OSTF1: variants seen among roughly 807,000 people sequenced by gnomAD.
OSTF1 encodes osteoclast-stimulating factor 1.
OSTF1 carries 27 observed loss-of-function variants against 37.2 expected under a neutral mutation model. The observed-to-expected ratio is 0.73, with a 90% CI of 0.54 to 1.00. The LOEUF (loss-of-function observed/expected upper bound fraction) is 1.00. OSTF1 is among the 50% of genes least tolerant of loss of function. The pLI, the probability that OSTF1 is intolerant of heterozygous loss-of-function variation, is 0.00. For synonymous variants in OSTF1, 82 were observed against 89.2 expected, an observed-to-expected ratio of 0.92 and a Z score of 0.46; for missense variants, 232 against 253.8, an observed-to-expected ratio of 0.91 and a Z score of 0.58.
At chr9:75,108,913 G>T (rs1825336716) in intron 1 of OSTF1, among the ~76,000 whole-genome samples, 1 of 152,080 alleles carries the variant, frequency 6.6e-6, no homozygotes, top group Non-Finnish European at 1.5e-5. Flanking sequence ...CAGTACCAAG[G>T]AATTACCATT....
chr9:75,122,330 ACT>A (rs1825594209), intron 2 of OSTF1, among the ~76,000 whole-genome samples: 1 of 152,072 alleles, frequency 6.6e-6, no homozygotes, highest in African/African-American at 2.4e-5. Flanking sequence ...CCTGCCACTC[ACT>A]CTGATTTGTA....
chr9:75,098,489 T>G (rs943657882), intron 1 of OSTF1, among the ~76,000 whole-genome samples: 21 of 152,140 alleles, frequency 1.4e-4, no homozygotes, highest in African/African-American at 5.1e-4. Flanking sequence ...CAGGAATATG[T>G]CTGGGGCTTT....
intron 1 of OSTF1, among the ~76,000 whole-genome samples, chr9:75,090,025 G>T (rs1248629652): frequency 1.3e-5 from 2 of 151,944 alleles, no homozygotes; most frequent in African/African-American, 4.8e-5. Flanking sequence ...GCTAGAGTTG[G>T]GTTCTGCATT....
chr9:75,133,179 C>T, intron 5 of OSTF1, 115 bp from the exon 6 acceptor site: 2 of 635,208 alleles, frequency 3.1e-6, no homozygotes, highest in Middle Eastern at 2.7e-4. Flanking sequence ...TAATTTAATA[C>T]TTGCTGATTA....
Position 75,134,332 on chromosome 9 carries a change from T to G in OSTF1, c.359-14T>G. On this transcript the variant is annotated splice_polypyrimidine_tract_variant and intron_variant, in intron 6 of 9. Coordinates refer to ENST00000346234, the MANE Select transcript of OSTF1 (RefSeq NM_012383.5). The stretch of plus-strand genomic sequence containing the variant: ...TTTCGTTCTTAAAAGGTATCTTTTC[T>G]CTTTGAATTTCAGATATAGTGGAAA... The G allele has an allele frequency of 1.4e-6, 2 of 1,462,298 alleles. No individual in the cohort carries two copies. Among genetic ancestry groups the G allele is most frequent in the Non-Finnish European group, 1.9e-6 (2 of 1,050,842 alleles). 90.6% of individuals were successfully genotyped at this position (1,462,298 alleles called of 1,614,324 possible). A position where few individuals can be genotyped will look rare whatever the true frequency, so the allele number is the denominator to read the frequency against.
rs1484557545 is a variant in OSTF1, at chr9:75,130,566, T to C, written c.133-12T>C. ...GATTTCATACCACTTAATTTAACTC[T>C]TCTTTTACCAGAGCGATACCAATTG... On this transcript the variant is annotated splice_polypyrimidine_tract_variant and intron_variant, in intron 3 of 9. Transcript: ENST00000346234. The C allele has an allele frequency of 6.3e-7, 1 of 1,589,534 alleles. No homozygotes were observed. The highest frequency in any genetic ancestry group is 8.6e-7 in the Non-Finnish European group (1 of 1,157,586).
intron 7 of OSTF1, among the ~76,000 whole-genome samples, chr9:75,135,936 GA>G (rs1288782914): frequency 1.3e-5 from 2 of 152,234 alleles, no homozygotes; most frequent in Non-Finnish European, 2.9e-5. Flanking sequence ...AGGCCAGAAG[GA>G]GATTGTCTCT....
chr9:75,088,788 C>G (rs570940171), intron 1 of OSTF1, 62 bp downstream of exon 1: 3 of 1,516,432 alleles, frequency 2.0e-6, no homozygotes, highest in African/African-American at 2.8e-5. Flanking sequence ...GGCGCCTCCT[C>G]TGCAGCTTGG....
Position 75,137,680 on chromosome 9 carries a change from C to G in OSTF1, c.487+64C>G, listed in dbSNP as rs574928204. The stretch of plus-strand genomic sequence containing the variant: ...CTGAAAAATAGTCTATATCAACTTA[C>G]GCCATTTGAAATGGTAGGAAGAATA... On this transcript the variant is annotated intron_variant, in intron 8 of 9. Transcript: ENST00000346234. The G allele has an allele frequency of 3.0e-6, 3 of 1,006,758 alleles. No homozygotes were observed. In the African/African-American group the frequency reaches 4.7e-5, roughly 16 times the overall value. The allele number at this position is 1,006,758 out of a possible 1,614,324, so 62.4% of individuals were successfully genotyped here.
At chr9:75,091,866 T>C (rs1057455639) in intron 1 of OSTF1, among the ~76,000 whole-genome samples, 1 of 152,214 alleles carries the variant, frequency 6.6e-6, no homozygotes, top group Non-Finnish European at 1.5e-5. Flanking sequence ...TCAAGATTCA[T>C]AGTGCTCATA....
intron 6 of OSTF1, among the ~76,000 whole-genome samples, chr9:75,133,979 G>A (rs896382107): frequency 6.6e-6 from 1 of 152,062 alleles, no homozygotes; most frequent in East Asian, 1.9e-4. Flanking sequence ...AAGAAATGAA[G>A]ATCTCAACAA....
At position 75,131,054 on chromosome 9, in the gene OSTF1, A is replaced by G. The variant is rs1408265907; in HGVS notation, c.196+413A>G. On this transcript the variant is annotated intron_variant, in intron 4 of 9. Coordinates refer to ENST00000346234, the MANE Select transcript of OSTF1 (RefSeq NM_012383.5). ...TTAAATGCTTATCATGGCAGTTTGGAGACTTTGAGAGATGAGAGACACGGC... is the reference window on the plus strand; with the variant it reads ...TTAAATGCTTATCATGGCAGTTTGGGGACTTTGAGAGATGAGAGACACGGC... Among the ~76,000 whole-genome samples the G allele has an allele frequency of 2.0e-5, 3 of 152,100 alleles. No individual in the cohort carries two copies. The East Asian group carries it at 5.8e-4, about 29-fold the overall frequency.
chr9:75,129,684 C>A (rs1825733123), intron 3 of OSTF1, among the ~76,000 whole-genome samples: 1 of 152,104 alleles, frequency 6.6e-6, no homozygotes, highest in African/African-American at 2.4e-5. Flanking sequence ...CAGGCAAAAT[C>A]CATAGAGGTT....
chr9:75,121,670 A>G (rs541069047), intron 2 of OSTF1, among the ~76,000 whole-genome samples: 1 of 152,248 alleles, frequency 6.6e-6, no homozygotes, highest in Non-Finnish European at 1.5e-5. Flanking sequence ...GAACTAGGTT[A>G]GTCTTATCTT....
At chr9:75,101,954 T>C (rs559585625) in intron 1 of OSTF1, among the ~76,000 whole-genome samples, 1 of 152,302 alleles carries the variant, frequency 6.6e-6, no homozygotes. Flanking sequence ...AGTAAGGCCA[T>C]TTAAAAAAAT....
chr9:75,132,547 T>G (rs536366579), intron 5 of OSTF1, among the ~76,000 whole-genome samples: 2 of 152,248 alleles, frequency 1.3e-5, no homozygotes, highest in East Asian at 3.9e-4. Context: ...ACCCCCACAA[T>G]AAATCCAACC....
chr9:75,143,179 G>A lies in OSTF1; in HGVS notation c.586+2247G>A, dbSNP rs184541758. Among the ~76,000 whole-genome samples, 23 of 152,172 alleles carry A rather than the reference G, an allele frequency of 1.5e-4. No homozygotes were observed. The East Asian group carries it at 3.9e-3, about 26-fold the overall frequency. On this transcript the variant is annotated intron_variant, in intron 9 of 9. Coordinates refer to ENST00000346234, the MANE Select transcript of OSTF1 (RefSeq NM_012383.5). ...TGGTCTCGAACTCCTGACCTCAAGC[G>A]ATCTGCCTGCCTTGGCCTCCCAAGG... is the stretch of plus-strand genomic sequence containing the variant.
chr9:75,091,201 C>G (rs1391205569), intron 1 of OSTF1, among the ~76,000 whole-genome samples: 1 of 151,064 alleles, frequency 6.6e-6, no homozygotes, highest in African/African-American at 2.4e-5. Flanking sequence ...TTCTCTGCCT[C>G]AGCCTCCCGA....
At chr9:75,133,607 C>T (rs1222740821) in intron 6 of OSTF1, among the ~76,000 whole-genome samples, 1 of 152,150 alleles carries the variant, frequency 6.6e-6, no homozygotes, top group Non-Finnish European at 1.5e-5. Context: ...GGGTCCCTCT[C>T]GCTTGAAAGA....
Sources: gnomAD v4.1 joint callset for allele counts (sites outside exome capture counted in the v4.1 genomes callset) on GRCh38, gnomAD v4.1.1 for gene constraint, MANE v1.5 for transcripts, NCBI Gene and HGNC (gene_info 2026-07-23, HGNC 2026-07-21) for gene names.